Variants in AFG1L observed in about 807,000 individuals in gnomAD.
AFG1L encodes the protein AFG1 like ATPase.
Under a neutral mutation model 62.2 loss-of-function variants are expected in AFG1L, and 53 were observed. The observed-to-expected ratio is 0.85, with a 90% CI of 0.68 to 1.07. The LOEUF is 1.07. Ranked by LOEUF, AFG1L falls within the 50% of genes least tolerant of loss-of-function variation. The probability of loss-of-function intolerance (pLI) is 0.00; values close to 1 mark genes in which losing one functional copy is unlikely to be tolerated. For synonymous variants in AFG1L, 228 were observed against 210.3 expected (o/e 1.08, Z -0.73); for missense variants, 555 against 590.5 (o/e 0.94, Z 0.62).
intron 10 of AFG1L, among the ~76,000 whole-genome samples, chr6:108,498,418 A>G (rs1774051357): frequency 6.6e-6 from 1 of 152,180 alleles, no homozygotes. Flanking sequence ...TTTTTTAGTT[A>G]ATCCAAGTAA....
At chr6:108,301,974 C>G (rs938457587) in intron 1 of AFG1L, among the ~76,000 whole-genome samples, 5 of 147,252 alleles carry the variant, frequency 3.4e-5, no homozygotes, top group Non-Finnish European at 7.4e-5. Context: ...GAGACAGAAT[C>G]TCGTTCTGTT....
intron 2 of AFG1L, chr6:108,344,906 T>C: frequency 2.4e-6 from 1 of 423,380 alleles, no homozygotes; most frequent in East Asian, 7.4e-5. Flanking sequence ...CCCTTCAGTT[T>C]CCAGTTTTGC....
intron 1 of AFG1L, among the ~76,000 whole-genome samples, chr6:108,301,200 T>G (rs368767298): frequency 5.9e-5 from 9 of 152,184 alleles, no homozygotes; most frequent in African/African-American, 1.4e-4. Context: ...GCTTCTTTAC[T>G]GCAAGTTGTT....
At chr6:108,357,180 T>C (rs1404805319) in intron 5 of AFG1L, among the ~76,000 whole-genome samples, 2 of 91,774 alleles carry the variant, frequency 2.2e-5, no homozygotes, top group East Asian at 3.2e-4. Flanking sequence ...CTCAAACTCC[T>C]GGGTTCAACT....
At chr6:108,437,268 G>C (rs1771352073) in intron 7 of AFG1L, among the ~76,000 whole-genome samples, 1 of 152,158 alleles carries the variant, frequency 6.6e-6, no homozygotes, top group Admixed American at 6.5e-5. Context: ...CCAAGTTTAT[G>C]CCAGGTCTTA....
intron 5 of AFG1L, among the ~76,000 whole-genome samples, chr6:108,363,746 A>C (rs1324232861): frequency 6.6e-6 from 1 of 152,176 alleles, no homozygotes; most frequent in Non-Finnish European, 1.5e-5. Context: ...AGATCATGCA[A>C]AATTCTCCTC....
intron 1 of AFG1L, among the ~76,000 whole-genome samples, chr6:108,310,241 C>T (rs1777352913): frequency 6.6e-6 from 1 of 152,314 alleles, no homozygotes; most frequent in East Asian, 1.9e-4. Context: ...TCAGCAGTGT[C>T]TGAGGTTCTA....
chr6:108,446,229 A>G (rs969536154), intron 7 of AFG1L, among the ~76,000 whole-genome samples: 3 of 152,000 alleles, frequency 2.0e-5, no homozygotes, highest in African/African-American at 7.2e-5. Context: ...GTGTGCACAT[A>G]TGCACCCTGG....
chr6:108,482,923 T>TC (rs1773384024), intron 10 of AFG1L, among the ~76,000 whole-genome samples: 1 of 152,164 alleles, frequency 6.6e-6, no homozygotes, highest in Non-Finnish European at 1.5e-5. Flanking sequence ...TTATTCTTTC[T>TC]CCCCCTTTCC....
intron 1 of AFG1L, among the ~76,000 whole-genome samples, chr6:108,315,914 G>A (rs1039055682): frequency 5.3e-5 from 8 of 152,134 alleles, no homozygotes; most frequent in African/African-American, 1.9e-4. Context: ...AGGAATGGTG[G>A]TGTGCACCTG....
intron 7 of AFG1L, among the ~76,000 whole-genome samples, chr6:108,410,534 C>G (rs79924065): frequency 6.6e-6 from 1 of 152,110 alleles, no homozygotes; most frequent in Non-Finnish European, 1.5e-5. Flanking sequence ...TGTACCTCTA[C>G]GCCCACAGAT....
intron 7 of AFG1L, among the ~76,000 whole-genome samples, chr6:108,406,719 T>A (rs532689131): frequency 6.6e-6 from 1 of 152,340 alleles, no homozygotes; most frequent in South Asian, 2.1e-4. Context: ...ATTACAGGTG[T>A]GAGCCACTGT....
intron 6 of AFG1L, among the ~76,000 whole-genome samples, chr6:108,373,542 T>C (rs1229459085): frequency 6.6e-6 from 1 of 152,028 alleles, no homozygotes; most frequent in Non-Finnish European, 1.5e-5. Context: ...TTCTGTTGGA[T>C]AGACACCCAG....
chr6:108,488,805 T>G (rs905642378), intron 10 of AFG1L, among the ~76,000 whole-genome samples: 5 of 152,070 alleles, frequency 3.3e-5, no homozygotes, highest in Non-Finnish European at 7.4e-5. Context: ...GAGGCCAAGA[T>G]TGCGCCATTG....
intron 3 of AFG1L, among the ~76,000 whole-genome samples, chr6:108,354,851 C>T (rs1779206105): frequency 1.3e-5 from 2 of 152,090 alleles, no homozygotes. Flanking sequence ...ACTGAATTCT[C>T]AGATAAGAGG....
At chr6:108,405,706 C>T (rs1759114801) in intron 7 of AFG1L, among the ~76,000 whole-genome samples, 1 of 152,180 alleles carries the variant, frequency 6.6e-6, no homozygotes, top group African/African-American at 2.4e-5. Flanking sequence ...CATTGTTGTA[C>T]AAGCACCACC....
At chr6:108,382,954 G>A (rs754608710) in intron 6 of AFG1L, among the ~76,000 whole-genome samples, 2 of 152,184 alleles carry the variant, frequency 1.3e-5, no homozygotes, top group Non-Finnish European at 2.9e-5. Context: ...AAAGGTGAAA[G>A]AAGCTGAGTG....
intron 1 of AFG1L, among the ~76,000 whole-genome samples, chr6:108,300,724 G>A (rs1431374645): frequency 6.6e-6 from 1 of 150,460 alleles, no homozygotes; most frequent in South Asian, 2.1e-4. Flanking sequence ...CCAGGCTGGA[G>A]TGCAGTGGAG....
At chr6:108,519,584 A>G in intron 11 of AFG1L, 113 bp from the exon 12 acceptor site, 1 of 634,504 alleles carries the variant, frequency 1.6e-6, no homozygotes, top group Non-Finnish European at 2.8e-6. Flanking sequence ...TCTTAAAAGC[A>G]AAGATCCAAG....
Sources: allele counts gnomAD v4.1 joint callset (sites outside exome capture counted in the v4.1 genomes callset), GRCh38; gene constraint gnomAD v4.1.1; transcripts MANE v1.5; gene names NCBI Gene and HGNC (gene_info 2026-07-23, HGNC 2026-07-21).